SCML4: variants seen among roughly 807,000 people sequenced by gnomAD.
SCML4 encodes sex comb on midleg-like protein 4.
In SCML4, 34 loss-of-function variants were observed where a neutral mutation model predicts 41.1. The observed-to-expected ratio is 0.83, with a 90% CI of 0.63 to 1.10. The LOEUF (loss-of-function observed/expected upper bound fraction) is 1.10, where lower values mean the gene tolerates loss of function less well. Among genes scored for constraint, SCML4 ranks in the 50% least tolerant of loss-of-function variants. The probability of loss-of-function intolerance (pLI) is 0.00; values close to 1 mark genes in which losing one functional copy is unlikely to be tolerated. For synonymous variants in SCML4, 214 were observed against 220.9 expected (o/e 0.97, Z 0.28); for missense variants, 522 against 534.1 (o/e 0.98, Z 0.22).
At chr6:107,844,869 C>G in the SCML4 span, among the ~76,000 whole-genome samples, 1 of 151,372 alleles carries the variant, frequency 6.6e-6, no homozygotes, top group African/African-American at 2.4e-5. Flanking sequence ...GGAGACCAGC[C>G]TAGGCAATAT....
intron 5 of SCML4, among the ~76,000 whole-genome samples, 182 bp downstream of exon 5, chr6:107,744,767 T>G (rs1005396768): frequency 6.6e-6 from 1 of 152,244 alleles, no homozygotes; most frequent in Non-Finnish European, 1.5e-5. Flanking sequence ...GGGTGGGGAC[T>G]GTCCAGGCAC....
At chr6:107,764,864 C>T (rs112584214) in intron 2 of SCML4, among the ~76,000 whole-genome samples, 8,037 of 152,110 alleles carry the variant, frequency 0.053, 648 homozygotes, top group African/African-American at 0.17. Flanking sequence ...GGTTTTACAA[C>T]GGGAAACCCC....
chr6:107,835,246 A>G, the SCML4 span, among the ~76,000 whole-genome samples: 1 of 152,078 alleles, frequency 6.6e-6, no homozygotes, highest in East Asian at 1.9e-4. Flanking sequence ...CTGTAGTCCC[A>G]GCTATTCAGC....
chr6:107,776,916 G>A (rs1465039989), intron 1 of SCML4, among the ~76,000 whole-genome samples: 3 of 152,144 alleles, frequency 2.0e-5, no homozygotes, highest in Admixed American at 2.0e-4. Flanking sequence ...ATGCATATGT[G>A]AAGATTGCAA....
chr6:107,787,116 G>T (rs1295936701), intron 1 of SCML4, among the ~76,000 whole-genome samples: 1 of 152,200 alleles, frequency 6.6e-6, no homozygotes, highest in Admixed American at 6.5e-5. Flanking sequence ...CTGGCTGGGG[G>T]ACAGGAGAGA....
intron 1 of SCML4, among the ~76,000 whole-genome samples, chr6:107,785,676 G>C (rs1781833852): frequency 6.6e-6 from 1 of 152,202 alleles, no homozygotes; most frequent in Non-Finnish European, 1.5e-5. Flanking sequence ...CTGTGGTGGA[G>C]CCTGTCCTCT....
In SCML4 at chr6:107,797,478, A is replaced by G. The variant is rs376359659; in HGVS notation, c.-59-25092T>C. Among the ~76,000 whole-genome samples, 10 of 152,098 alleles carry G rather than the reference A, an allele frequency of 6.6e-5. No homozygotes were observed. In the East Asian group the frequency reaches 1.7e-3, roughly 26 times the overall value. On this transcript the variant is annotated intron_variant, in intron 1 of 7. Transcript: ENST00000369020. ...ATTGATTTTTGTACAATGACTTTGTATACGACTAGTAAACTACTTCTAAGT... is the reference window on the plus strand; with the variant it reads ...ATTGATTTTTGTACAATGACTTTGTGTACGACTAGTAAACTACTTCTAAGT...
At chr6:107,827,009 G>A (rs1321164685), upstream of SCML4, among the ~76,000 whole-genome samples, 1 of 151,856 alleles carries the variant, frequency 6.6e-6, no homozygotes, top group Admixed American at 6.6e-5. Context: ...CTTGCAGTGA[G>A]CCGAGATCAC....
intron 1 of SCML4, among the ~76,000 whole-genome samples, chr6:107,784,929 T>C (rs1278024590): frequency 6.6e-6 from 1 of 152,192 alleles, no homozygotes; most frequent in Non-Finnish European, 1.5e-5. Context: ...TTATGGCACA[T>C]GAGGCATAGT....
At chr6:107,790,780 A>G (rs1351174073) in intron 1 of SCML4, among the ~76,000 whole-genome samples, 1 of 152,126 alleles carries the variant, frequency 6.6e-6, no homozygotes, top group African/African-American at 2.4e-5. Context: ...AGGTCAAAGC[A>G]CCAAACAGGC....
the SCML4 span, among the ~76,000 whole-genome samples, chr6:107,843,577 G>A: frequency 0.011 from 1,727 of 152,204 alleles, 20 homozygotes; most frequent in Non-Finnish European, 0.013. Context: ...GTACACTTCC[G>A]TCACCCACCC....
chr6:107,720,243 A>T, intron 6 of SCML4: 3 of 674,484 alleles, frequency 4.4e-6, no homozygotes, highest in Non-Finnish European at 5.5e-6. Flanking sequence ...AGTGGAAGTG[A>T]TGAGCATCAC....
intron 1 of SCML4, among the ~76,000 whole-genome samples, chr6:107,780,710 T>C (rs1256378149): frequency 6.8e-6 from 1 of 147,278 alleles, no homozygotes; most frequent in East Asian, 2.0e-4. Flanking sequence ...CAGTCTCCAA[T>C]AATAATAATA....
At chr6:107,781,887 G>C (rs1376274267) in intron 1 of SCML4, among the ~76,000 whole-genome samples, 1 of 152,150 alleles carries the variant, frequency 6.6e-6, no homozygotes, top group Non-Finnish European at 1.5e-5. Context: ...TGTTGGATGG[G>C]GGTACAAGGA....
intron 2 of SCML4, among the ~76,000 whole-genome samples, chr6:107,753,621 T>C (rs929091838): frequency 3.9e-5 from 6 of 152,242 alleles, no homozygotes; most frequent in African/African-American, 1.4e-4. Flanking sequence ...GAAATAATGG[T>C]AAATTTTGTG....
At chr6:107,767,704 G>A (rs558831098) in intron 2 of SCML4, among the ~76,000 whole-genome samples, 2 of 152,276 alleles carry the variant, frequency 1.3e-5, no homozygotes, top group East Asian at 3.9e-4. Context: ...CCCTTTAATA[G>A]TGGACTTCCT....
At chr6:107,752,118 T>A (rs1156358375) in intron 2 of SCML4, among the ~76,000 whole-genome samples, 1 of 152,012 alleles carries the variant, frequency 6.6e-6, no homozygotes, top group Non-Finnish European at 1.5e-5. Flanking sequence ...TACCAACACA[T>A]TGAATGTGGT....
chr6:107,812,580 C>T (rs1023251348), intron 1 of SCML4, among the ~76,000 whole-genome samples: 1 of 152,202 alleles, frequency 6.6e-6, no homozygotes, highest in Admixed American at 6.5e-5. Flanking sequence ...GCAACCCACA[C>T]GTGGGGGGAC....
intron 1 of SCML4, among the ~76,000 whole-genome samples, chr6:107,795,861 T>G (rs1452629262): frequency 6.6e-6 from 1 of 152,234 alleles, no homozygotes; most frequent in African/African-American, 2.4e-5. Context: ...CTGTCAGTCC[T>G]ACTCTTCCAA....
Sources: allele counts gnomAD v4.1 joint callset (sites outside exome capture counted in the v4.1 genomes callset), GRCh38; gene constraint gnomAD v4.1.1; transcripts MANE v1.5; gene names NCBI Gene and HGNC (gene_info 2026-07-23, HGNC 2026-07-21).